Variants in ANKRD44 observed in about 807,000 individuals in gnomAD.
ANKRD44 encodes ankyrin repeat domain 44.
Under a neutral mutation model 116.0 loss-of-function variants are expected in ANKRD44, and 35 were observed. The observed-to-expected ratio is 0.30, with a 90% confidence interval of 0.23 to 0.40. The LOEUF (loss-of-function observed/expected upper bound fraction) is 0.40. Ranked by LOEUF, ANKRD44 falls within the 10% of genes least tolerant of loss-of-function variation. The pLI, the probability that ANKRD44 is intolerant of heterozygous loss-of-function variation, is 1.00. For missense variants in ANKRD44, 1,014 were observed against 1,242.6 expected, an observed-to-expected ratio of 0.82 and a Z score of 2.77; for synonymous variants, 435 against 461.8, an observed-to-expected ratio of 0.94 and a Z score of 0.74.
chr2:197,034,661 G>T (rs1396902453), intron 16 of ANKRD44, among the ~76,000 whole-genome samples: 2 of 151,626 alleles, frequency 1.3e-5, no homozygotes, highest in African/African-American at 4.9e-5. Context: ...ATTCACGAAG[G>T]TTCTACGTAG....
At chr2:197,258,164 G>T (rs1237006011) in intron 1 of ANKRD44, among the ~76,000 whole-genome samples, 1 of 150,992 alleles carries the variant, frequency 6.6e-6, no homozygotes, top group Admixed American at 6.6e-5. Context: ...GTACAGTGGT[G>T]TGATCTTGGC....
At chr2:197,245,988 T>A (rs2125813431) in intron 1 of ANKRD44, among the ~76,000 whole-genome samples, 1 of 152,264 alleles carries the variant, frequency 6.6e-6, no homozygotes, top group South Asian at 2.1e-4. Context: ...CAGTGCTTCA[T>A]CCCTAATGAC....
At chr2:197,123,220 A>G (rs1286498031) in intron 6 of ANKRD44, among the ~76,000 whole-genome samples, 2 of 152,098 alleles carry the variant, frequency 1.3e-5, no homozygotes, top group Non-Finnish European at 2.9e-5. Flanking sequence ...AAAAAAAACA[A>G]TTAATGAGAA....
intron 12 of ANKRD44, among the ~76,000 whole-genome samples, chr2:197,087,030 C>A (rs1468682759): frequency 6.6e-6 from 1 of 151,964 alleles, no homozygotes; most frequent in Non-Finnish European, 1.5e-5. Context: ...ATGATTAAAC[C>A]CTCCAGTGAT....
intron 16 of ANKRD44, among the ~76,000 whole-genome samples, chr2:197,068,412 A>AT (rs1295803115): frequency 9.1e-4 from 136 of 149,478 alleles, no homozygotes; most frequent in African/African-American, 3.1e-3. Context: ...AATAAAATAA[A>AT]AAAAAATAAA....
chr2:197,084,114 A>C (rs556153140), intron 13 of ANKRD44, among the ~76,000 whole-genome samples: 3 of 152,118 alleles, frequency 2.0e-5, no homozygotes, highest in Non-Finnish European at 4.4e-5. Flanking sequence ...GGTTCTCTCT[A>C]CTAACCAATA....
intron 16 of ANKRD44, among the ~76,000 whole-genome samples, chr2:197,026,579 A>G (rs2124847715): frequency 6.6e-6 from 1 of 152,348 alleles, no homozygotes; most frequent in East Asian, 1.9e-4. Flanking sequence ...GGCAGGACAG[A>G]AATCAGAGAG....
chr2:197,164,325 G>A (rs1236694365), intron 2 of ANKRD44, among the ~76,000 whole-genome samples: 2 of 152,212 alleles, frequency 1.3e-5, no homozygotes, highest in Non-Finnish European at 2.9e-5. Context: ...GCAGCACAAG[G>A]TCAAAGGTGT....
At position 197,136,608 on chromosome 2, in the gene ANKRD44, AC is replaced by A; in HGVS notation, c.244del (p.Val82LeufsTer12). 6.2e-7 allele frequency: 1 copy of A among 1,614,172 alleles called. No homozygotes were observed. ...NMWLTPLHRA[V>X]ASRSEEAVQV... is the part of the protein sequence containing the mutation. ...ATCACTCACTTCACTTCTGGAAGCA[AC>A]AGCCCGGTGCAGTGGAGTCAGCCAC... is the stretch of plus-strand genomic sequence containing the variant. On this transcript the variant is annotated frameshift_variant, in exon 4 of 28. Transcript: ENST00000282272. LOFTEE classifies it high-confidence loss of function.
At chr2:197,258,675 A>C (rs2082519147) in intron 1 of ANKRD44, among the ~76,000 whole-genome samples, 1 of 152,178 alleles carries the variant, frequency 6.6e-6, no homozygotes. Flanking sequence ...ACGGTTTTTC[A>C]TGGCAGCTGC....
intron 26 of ANKRD44, chr2:196,995,170 C>A: frequency 2.9e-6 from 1 of 347,440 alleles, no homozygotes; most frequent in African/African-American, 2.1e-5. Context: ...TAAATGAAGA[C>A]ATATCAAAAG....
At chr2:197,287,715 A>C (rs148135677) in intron 1 of ANKRD44, among the ~76,000 whole-genome samples, 45 of 152,254 alleles carry the variant, frequency 3.0e-4, no homozygotes, top group African/African-American at 9.9e-4. Context: ...TAATTCAGGA[A>C]TTAGCAAACC....
At chr2:197,144,349 C>A (rs186489697) in intron 3 of ANKRD44, among the ~76,000 whole-genome samples, 45 of 152,288 alleles carry the variant, frequency 3.0e-4, no homozygotes, top group Non-Finnish European at 5.3e-4. Context: ...ATCATTAGCA[C>A]CTCATTCATT....
chr2:196,988,809 C>G lies in ANKRD44; in HGVS notation c.*782G>C. 2.0e-6 allele frequency: 2 copies of G among 985,340 alleles called. No homozygotes were observed. Among genetic ancestry groups the G allele is most frequent in the Non-Finnish European group, 2.4e-6 (2 of 829,928 alleles). The allele number at this position is 985,340 out of a possible 1,614,324, so 61.0% of individuals were successfully genotyped here. A position where few individuals can be genotyped will look rare whatever the true frequency, so the allele number is the denominator to read the frequency against. ...TTATTTCTCCTTTTGGCACATGTGCCCACACACTGCCATCATTTCTCATCA... is the reference window on the plus strand; with the variant it reads ...TTATTTCTCCTTTTGGCACATGTGCGCACACACTGCCATCATTTCTCATCA... On this transcript the variant is annotated 3_prime_UTR_variant, in exon 28 of 28. Coordinates refer to ENST00000282272, the MANE Select transcript of ANKRD44 (RefSeq NM_001195144.2).
chr2:197,270,417 T>A (rs1419269557), intron 1 of ANKRD44, among the ~76,000 whole-genome samples: 1 of 151,994 alleles, frequency 6.6e-6, no homozygotes, highest in Non-Finnish European at 1.5e-5. Flanking sequence ...ATCCCCACAG[T>A]TTCCAGCTTG....
intron 2 of ANKRD44, among the ~76,000 whole-genome samples, chr2:197,181,810 A>G (rs2080511957): frequency 6.6e-6 from 1 of 152,242 alleles, no homozygotes. Context: ...CTTATTTTCT[A>G]TAGCTTACAA....
chr2:197,268,136 G>A (rs1402837876), intron 1 of ANKRD44, among the ~76,000 whole-genome samples: 2 of 152,232 alleles, frequency 1.3e-5, no homozygotes, highest in African/African-American at 4.8e-5. Context: ...TGGCCCAAGG[G>A]CATCACAATG....
chr2:197,307,197 C>A (rs187175218), intron 1 of ANKRD44, among the ~76,000 whole-genome samples: 1 of 152,246 alleles, frequency 6.6e-6, no homozygotes, highest in East Asian at 1.9e-4. Context: ...TTTTCTTTCC[C>A]AAACTTAAAA....
intron 16 of ANKRD44, among the ~76,000 whole-genome samples, chr2:197,034,724 T>C (rs1182987719): frequency 1.3e-5 from 2 of 152,050 alleles, no homozygotes; most frequent in South Asian, 4.2e-4. Context: ...CCAACCACCA[T>C]GTGTTTGCCA....
Sources: allele counts gnomAD v4.1 joint callset (sites outside exome capture counted in the v4.1 genomes callset), GRCh38; gene constraint gnomAD v4.1.1; transcripts MANE v1.5; gene names NCBI Gene and HGNC (gene_info 2026-07-23, HGNC 2026-07-21).